The following PITPNC1 variants were observed in gnomAD, a reference collection of about 807,000 sequenced individuals.
PITPNC1 encodes cytoplasmic phosphatidylinositol transfer protein 1.
PITPNC1 carries 18 observed loss-of-function variants against 44.7 expected under a neutral mutation model. The ratio of observed to expected loss-of-function variants is 0.40; its 90% CI spans 0.28 to 0.60. The LOEUF (loss-of-function observed/expected upper bound fraction) is 0.60, where lower values mean the gene tolerates loss of function less well. Among genes scored for constraint, PITPNC1 ranks in the 20% least tolerant of loss-of-function variants. PITPNC1 has a pLI of 0.39. For missense variants in PITPNC1, 290 were observed against 418.4 expected (o/e 0.69, Z 2.68); for synonymous variants, 141 against 149.6 (o/e 0.94, Z 0.42).
chr17:67,654,513 T>G (rs1426047298), intron 6 of PITPNC1, among the ~76,000 whole-genome samples: 1 of 152,228 alleles, frequency 6.6e-6, no homozygotes, highest in Non-Finnish European at 1.5e-5. Flanking sequence ...AGGGCATCCT[T>G]GTATCATGTG....
At chr17:67,472,747 G>A (rs1231029331) in intron 1 of PITPNC1, among the ~76,000 whole-genome samples, 3 of 152,116 alleles carry the variant, frequency 2.0e-5, no homozygotes, top group Non-Finnish European at 4.4e-5. Context: ...CCTGGGCCAC[G>A]GGTTGGACAA....
chr17:67,381,326 CA>C (rs1221190761), intron 1 of PITPNC1, among the ~76,000 whole-genome samples: 926 of 51,152 alleles, frequency 0.018, 9 homozygotes, highest in Non-Finnish European at 0.024. Flanking sequence ...AGACTCCACT[CA>C]AAAAAAAAAA....
At chr17:67,629,010 C>T (rs1286766062) in intron 5 of PITPNC1, among the ~76,000 whole-genome samples, 3 of 152,072 alleles carry the variant, frequency 2.0e-5, no homozygotes, top group Admixed American at 6.6e-5. Flanking sequence ...GGCATAAGGG[C>T]GACTTTGGAG....
At chr17:67,425,091 C>G (rs1251314286) in intron 1 of PITPNC1, among the ~76,000 whole-genome samples, 1 of 151,978 alleles carries the variant, frequency 6.6e-6, no homozygotes, top group Non-Finnish European at 1.5e-5. Context: ...CCGCCTATCC[C>G]AAAACCTGTA....
chr17:67,495,052 GTTTTTTTTTTTTTTTTT>G (rs1243868487), intron 1 of PITPNC1, among the ~76,000 whole-genome samples: 1 of 38,566 alleles, frequency 2.6e-5, no homozygotes, highest in African/African-American at 1.0e-4. Flanking sequence ...TTTTTTTTTT[GTTTTTTTTTTTTTTTTT>G]TTTTTGAGAC....
At chr17:67,496,871 G>T (rs944694292) in intron 1 of PITPNC1, among the ~76,000 whole-genome samples, 11 of 151,480 alleles carry the variant, frequency 7.3e-5, no homozygotes, top group Non-Finnish European at 1.3e-4. Context: ...CCTTCTTTCC[G>T]CCCTCCCAAT....
intron 1 of PITPNC1, among the ~76,000 whole-genome samples, chr17:67,448,236 T>G (rs1598675897): frequency 6.6e-6 from 1 of 152,118 alleles, no homozygotes; most frequent in East Asian, 1.9e-4. Flanking sequence ...CATGAGCCAC[T>G]GCGCCCGGCT....
intron 1 of PITPNC1, among the ~76,000 whole-genome samples, chr17:67,387,330 A>G (rs753936161): frequency 8.5e-5 from 13 of 152,290 alleles, no homozygotes; most frequent in Non-Finnish European, 1.8e-4. Context: ...CACCCTTAGC[A>G]TCGTCTTTCC....
At chr17:67,390,430 G>A (rs1173024469) in intron 1 of PITPNC1, among the ~76,000 whole-genome samples, 2 of 152,180 alleles carry the variant, frequency 1.3e-5, no homozygotes, top group African/African-American at 4.8e-5. Flanking sequence ...AAGGAACCTA[G>A]GATTGTTCTG....
intron 6 of PITPNC1, chr17:67,632,501 C>G (rs1359433023): frequency 1.9e-6 from 1 of 519,152 alleles, no homozygotes; most frequent in African/African-American, 1.9e-5. Context: ...ACGTCAGTAT[C>G]CATAGGGCTG....
chr17:67,441,278 C>CG (rs896142252), intron 1 of PITPNC1, among the ~76,000 whole-genome samples: 7 of 90,474 alleles, frequency 7.7e-5, no homozygotes, highest in South Asian at 7.0e-4. Flanking sequence ...ATTTATTAAG[C>CG]CCCCCCCCGC....
intron 1 of PITPNC1, among the ~76,000 whole-genome samples, chr17:67,387,663 CAAAAT>C (rs1381919414): frequency 6.6e-6 from 1 of 152,088 alleles, no homozygotes. Flanking sequence ...AACTCTGTCT[CAAAAT>C]AAAATATAAA....
At chr17:67,422,261 C>G (rs1441441113) in intron 1 of PITPNC1, among the ~76,000 whole-genome samples, 1 of 152,152 alleles carries the variant, frequency 6.6e-6, no homozygotes, top group Non-Finnish European at 1.5e-5. Flanking sequence ...GTCTACTTAC[C>G]ATTGCATAGA....
At chr17:67,629,641 CAGAA>C (rs1367837112) in intron 5 of PITPNC1, among the ~76,000 whole-genome samples, 1 of 152,226 alleles carries the variant, frequency 6.6e-6, no homozygotes, top group Non-Finnish European at 1.5e-5. Flanking sequence ...AAGAGATTTG[CAGAA>C]AGAAAGAAGG....
intron 7 of PITPNC1, among the ~76,000 whole-genome samples, chr17:67,673,873 C>T (rs1248707757): frequency 6.9e-6 from 1 of 145,698 alleles, no homozygotes; most frequent in Non-Finnish European, 1.5e-5. Context: ...ATCACTTGAA[C>T]CAGGGAAGCG....
At chr17:67,449,395 A>G (rs1023225116) in intron 1 of PITPNC1, among the ~76,000 whole-genome samples, 1 of 152,206 alleles carries the variant, frequency 6.6e-6, no homozygotes. Context: ...TTTGGAGTCT[A>G]TCAGCCTGTA....
At chr17:67,594,875 G>A (rs1394762014) in intron 5 of PITPNC1, among the ~76,000 whole-genome samples, 1 of 152,158 alleles carries the variant, frequency 6.6e-6, no homozygotes, top group Non-Finnish European at 1.5e-5. Context: ...GTACTTGTGA[G>A]GATTAAATGT....
chr17:67,592,063 T>A (rs140991113), intron 5 of PITPNC1, among the ~76,000 whole-genome samples: 1 of 152,152 alleles, frequency 6.6e-6, no homozygotes, highest in Non-Finnish European at 1.5e-5. Context: ...GTATAAGGAA[T>A]GTAACTAAAG....
At chr17:67,683,162 CAAA>C (rs901577194) in intron 8 of PITPNC1, among the ~76,000 whole-genome samples, 2,380 of 41,236 alleles carry the variant, frequency 0.058, 47 homozygotes, top group African/African-American at 0.17. Flanking sequence ...AACTGAGTCT[CAAA>C]AAAAAAAAAA....
Sources: gnomAD v4.1 joint callset for allele counts (sites outside exome capture counted in the v4.1 genomes callset) on GRCh38, gnomAD v4.1.1 for gene constraint, MANE v1.5 for transcripts, NCBI Gene and HGNC (gene_info 2026-07-23, HGNC 2026-07-21) for gene names.